The following DAB1 variants were observed in gnomAD, a reference collection of about 807,000 sequenced individuals.
DAB1 encodes disabled homolog 1.
Under a neutral mutation model 64.6 loss-of-function variants are expected in DAB1, and 15 were observed. The ratio of observed to expected loss-of-function variants is 0.23; its 90% CI spans 0.16 to 0.36. DAB1 has a LOEUF of 0.36. DAB1 is among the 10% of genes least tolerant of loss of function. DAB1 has a pLI of 1.00. For missense variants in DAB1, 596 were observed against 706.7 expected (o/e 0.84, Z 1.78); for synonymous variants, 235 against 251.9 (o/e 0.93, Z 0.64).
intron 2 of DAB1, among the ~76,000 whole-genome samples, chr1:58,520,647 A>G (rs1362177894): frequency 1.3e-5 from 2 of 152,174 alleles, no homozygotes; most frequent in Non-Finnish European, 2.9e-5. Flanking sequence ...GCAAGCACTA[A>G]CTGAAAGAAA....
intron 1 of DAB1, among the ~76,000 whole-genome samples, chr1:57,380,577 A>T (rs1180783215): frequency 6.6e-6 from 1 of 152,202 alleles, no homozygotes; most frequent in Non-Finnish European, 1.5e-5. Context: ...AATGATAATG[A>T]TGATCATAAT....
chr1:57,973,007 C>T (rs532787825), intron 5 of DAB1, among the ~76,000 whole-genome samples: 268 of 152,224 alleles, frequency 1.8e-3, no homozygotes, highest in African/African-American at 6.2e-3. Flanking sequence ...ATTTATGTTG[C>T]CTTATTTAGA....
At chr1:57,301,800 T>C (rs1187184775) in intron 1 of DAB1, among the ~76,000 whole-genome samples, 1 of 152,142 alleles carries the variant, frequency 6.6e-6, no homozygotes, top group African/African-American at 2.4e-5. Flanking sequence ...CAGGGACTCA[T>C]CCTGAACCGT....
intron 7 of DAB1, among the ~76,000 whole-genome samples, chr1:57,474,649 T>C (rs1643912925): frequency 6.6e-6 from 1 of 152,162 alleles, no homozygotes. Flanking sequence ...AGTGTCAATA[T>C]TATGTTTATA....
intron 2 of DAB1, among the ~76,000 whole-genome samples, chr1:57,151,917 G>A (rs1230691477): frequency 6.8e-6 from 1 of 148,084 alleles, no homozygotes; most frequent in African/African-American, 2.5e-5. Context: ...AGGTTCAAGC[G>A]ATTCTCCCGC....
At chr1:57,724,282 G>A (rs1317725448) in intron 6 of DAB1, among the ~76,000 whole-genome samples, 2 of 110,578 alleles carry the variant, frequency 1.8e-5, no homozygotes, top group African/African-American at 3.9e-5. Context: ...AAGGAAGGAA[G>A]GAACGAAGGA....
chr1:58,046,116 T>C (rs1030741755), intron 5 of DAB1, among the ~76,000 whole-genome samples: 5 of 152,288 alleles, frequency 3.3e-5, no homozygotes, highest in Non-Finnish European at 5.9e-5. Context: ...CTTTATTGAG[T>C]TAAGTCCATG....
chr1:57,915,046 A>G (rs1644705586), intron 5 of DAB1, among the ~76,000 whole-genome samples: 1 of 151,832 alleles, frequency 6.6e-6, no homozygotes, highest in Non-Finnish European at 1.5e-5. Context: ...AGCCGAAGCG[A>G]GGGCAATTAT....
rs1341065326 is a variant in DAB1 at position 57,788,669 on chromosome 1, G to A, written n.551+95330C>T. 4.6e-5 allele frequency among the ~76,000 whole-genome samples: 7 copies of A among 152,144 alleles called. No individual in the cohort carries two copies. In the South Asian group the frequency reaches 8.3e-4, roughly 18 times the overall value. On this transcript the variant is annotated intron_variant and non_coding_transcript_variant, in intron 6 of 20. Coordinates refer to the DAB1 transcript ENST00000485760. ...AGAGTCAGGCAGACCCAGTTTGGAC[G>A]CCAGCTCTGTTACTTCCTGTGAGGA...
rs543964954 is a variant in DAB1, at chr1:57,834,635, T to C, written n.88-8180A>G. On this transcript the variant is annotated intron_variant and non_coding_transcript_variant, in intron 1 of 1. Coordinates refer to the DAB1 transcript ENST00000477280. ...CAGTTATATATATACATACACAGTT[T>C]TATATATATATAAAACTGCACATAT... is the stretch of plus-strand genomic sequence containing the variant. 3.5e-4 allele frequency among the ~76,000 whole-genome samples: 53 copies of C among 151,558 alleles called. No individual in the cohort carries two copies. The South Asian group carries it at 6.0e-3, about 17-fold the overall frequency.
intron 4 of DAB1, among the ~76,000 whole-genome samples, chr1:57,103,742 C>G (rs758699329): frequency 2.0e-5 from 3 of 152,158 alleles, no homozygotes; most frequent in African/African-American, 7.2e-5. Flanking sequence ...GGAAGAGAAT[C>G]ATGAACATGC....
intron 6 of DAB1, among the ~76,000 whole-genome samples, chr1:57,674,598 T>A (rs1257278232): frequency 6.6e-6 from 1 of 152,172 alleles, no homozygotes; most frequent in Non-Finnish European, 1.5e-5. Flanking sequence ...TTCATCAGGC[T>A]ATCAGTCTTG....
In DAB1 at chr1:58,195,889, A is replaced by G. The variant is rs189087172; in HGVS notation, n.310-45301T>C. On this transcript the variant is annotated intron_variant and non_coding_transcript_variant, in intron 4 of 20. Coordinates refer to the DAB1 transcript ENST00000485760. ...TATTGACATGAACACACTAAAGCTT[A>G]TAAGTGTTTAGTGACTTTCCCAAGC... Among the ~76,000 whole-genome samples, 23 of 152,364 alleles carry G rather than the reference A, an allele frequency of 1.5e-4. 1 individual carries two copies. Among genetic ancestry groups the G allele is most frequent in the African/African-American group, 5.3e-4 (22 of 41,590 alleles).
chr1:58,030,329 G>A (rs879681426), intron 5 of DAB1, among the ~76,000 whole-genome samples: 1 of 152,148 alleles, frequency 6.6e-6, no homozygotes, highest in Non-Finnish European at 1.5e-5. Context: ...TCTTGTTTGG[G>A]AAATTTTGAG....
intron 5 of DAB1, among the ~76,000 whole-genome samples, chr1:58,041,305 G>C (rs1333648783): frequency 1.3e-5 from 2 of 152,176 alleles, no homozygotes; most frequent in African/African-American, 2.4e-5. Flanking sequence ...CCTAGGCTGA[G>C]ATTATTGACG....
chr1:58,162,944 A>T (rs1317958417), intron 4 of DAB1, among the ~76,000 whole-genome samples: 1 of 152,200 alleles, frequency 6.6e-6, no homozygotes, highest in Non-Finnish European at 1.5e-5. Flanking sequence ...CTTAATTGTC[A>T]CAACTGAGGG....
At chr1:57,008,795 C>A (rs1174472284) in intron 14 of DAB1, among the ~76,000 whole-genome samples, 1 of 152,112 alleles carries the variant, frequency 6.6e-6, no homozygotes, top group East Asian at 1.9e-4. Context: ...AGAATATAAG[C>A]CCCTTCTAGC....
chr1:57,609,773 A>C (rs1239502551), intron 7 of DAB1, among the ~76,000 whole-genome samples: 1 of 152,250 alleles, frequency 6.6e-6, no homozygotes, highest in Non-Finnish European at 1.5e-5. Context: ...ATGTCAAAAA[A>C]TAAACTTAGA....
Position 57,015,051 on chromosome 1 carries a change from C to A in DAB1, c.1276G>T (p.Val426Leu). ...KDFQMAQPPP[V>L]PSRKPDQPSL... Reference sequence around the variant, plus strand: ...GGCTGGTCGGGTTTGCGGGAGGGCACGGGCGGAGGCTGGGCCATCTGGAAA... The same window carrying A: ...GGCTGGTCGGGTTTGCGGGAGGGCAAGGGCGGAGGCTGGGCCATCTGGAAA... The change falls in exon 12 of 15, where the codon GTG becomes TTG. Residue 426 changes from valine (V) to leucine (L), a missense_variant. By Grantham distance (32) the Val-to-Leu change is conservative. Transcript: ENST00000371236. The A allele has an allele frequency of 6.2e-7, 1 of 1,614,054 alleles. No homozygotes were observed. Among genetic ancestry groups the A allele is most frequent in the South Asian group, 1.1e-5 (1 of 91,058 alleles).
Sources: gnomAD v4.1 joint callset for allele counts (sites outside exome capture counted in the v4.1 genomes callset) on GRCh38, gnomAD v4.1.1 for gene constraint, MANE v1.5 for transcripts, NCBI Gene and HGNC (gene_info 2026-07-23, HGNC 2026-07-21) for gene names.